The following ATP13A1 variants were observed in gnomAD, a reference collection of about 807,000 sequenced individuals.
ATP13A1 encodes the protein ATPase 13A1.
In ATP13A1, 55 loss-of-function variants were observed where a neutral mutation model predicts 134.8. That is an observed-to-expected ratio of 0.41 (90% CI 0.33 to 0.51). The LOEUF is 0.51. Among genes scored for constraint, ATP13A1 ranks in the 20% least tolerant of loss-of-function variants. The probability of loss-of-function intolerance (pLI) is 0.29; values close to 1 mark genes in which losing one functional copy is unlikely to be tolerated. For missense variants in ATP13A1, 1,389 were observed against 1,652.8 expected (o/e 0.84, Z 2.77); for synonymous variants, 775 against 725.1 (o/e 1.07, Z -1.10).
Position 19,655,395 on chromosome 19 carries a change from G to A in ATP13A1, c.1455C>T (p.Leu485=), listed in dbSNP as rs1398042450. ...YKLFLECTLI[L]TSVVPPELPI... is the part of the protein sequence containing the mutation. The stretch of plus-strand genomic sequence containing the variant: ...GCAGCTCAGGAGGCACGACCGAGGT[G>A]AGGATCAGGGTGCACTCCAGAAACA... The change falls in exon 11 of 26, where the codon CTC becomes CTT. Residue 485 remains leucine, a synonymous_variant. Transcript: ENST00000357324. This position sits in a 1 kb window ranked among gnomAD's most constrained non-coding sequence, Gnocchi z 5.7. 13 of 1,614,018 alleles carry A rather than the reference G, an allele frequency of 8.1e-6. No individual in the cohort carries two copies. The highest frequency in any genetic ancestry group is 1.7e-5 in the Admixed American group (1 of 60,018).
rs753894272 is a variant in ATP13A1 at position 19,655,236 on chromosome 19, A to G, written c.1538T>C (p.Met513Thr). 23 of 1,613,840 alleles carry G rather than the reference A, an allele frequency of 1.4e-5. No individual in the cohort carries two copies. The highest frequency in any genetic ancestry group is 1.7e-5 in the Admixed American group (1 of 59,982). ...GATCCGGAAGGGCTCTGTGCAGTAC[A>G]TGTCTAGGGGCGGGAGTGAGGTCAG... ...TSLIALAKLY[M>T]YCTEPFRIPF... Residue 513 changes from methionine (M) to threonine (T), a missense_variant, in exon 12 of 26, where the codon ATG becomes ACG. Physicochemically the swap from Met to Thr is moderately conservative, Grantham distance 81 (BLOSUM62 -1). Around this residue, in one of 4 missense-constraint regions of ATP13A1, gnomAD observed 747 missense variants for 956.1 expected, o/e 0.78. Coordinates refer to ENST00000357324, the MANE Select transcript of ATP13A1 (RefSeq NM_020410.3). This position sits in a 1 kb window ranked among gnomAD's most constrained non-coding sequence, Gnocchi z 5.7.
chr19:19,651,060 T>G (rs35445661), intron 17 of ATP13A1: 6,749 of 152,326 alleles, frequency 0.044, 269 homozygotes, highest in East Asian at 0.19. Flanking sequence ...AGCCATGGAT[T>G]GGAAGTGACC....
Position 19,654,155 on chromosome 19 carries a change from A to G in ATP13A1, c.1814-11T>C. The G allele has an allele frequency of 3.8e-6, 6 of 1,577,244 alleles. No homozygotes were observed. Among genetic ancestry groups the G allele is most frequent in the East Asian group, 2.3e-5 (1 of 43,392 alleles). On this transcript the variant is annotated splice_polypyrimidine_tract_variant and intron_variant, in intron 13 of 25. Coordinates refer to ENST00000357324, the MANE Select transcript of ATP13A1 (RefSeq NM_020410.3). ...GGAATACTTTCTCATCTGGAAACAAATAAGTACGAGTCCTGAGGGGCTTTG... is the reference window on the plus strand; with the variant it reads ...GGAATACTTTCTCATCTGGAAACAAGTAAGTACGAGTCCTGAGGGGCTTTG...
chr19:19,660,384 AG>A (rs2062086993), intron 1 of ATP13A1: 1 of 196,180 alleles, frequency 5.1e-6, no homozygotes, highest in African/African-American at 2.4e-5. Context: ...TAGGAGGCTG[AG>A]GCAGGAGAAT....
intron 3 of ATP13A1, among the ~76,000 whole-genome samples, chr19:19,657,921 GGA>G (rs1445926149): frequency 6.6e-6 from 1 of 152,090 alleles, no homozygotes; most frequent in Non-Finnish European, 1.5e-5. Flanking sequence ...GGCCGAGGCA[GGA>G]GGAGTGCTTG....
Position 19,653,542 on chromosome 19 carries a change from A to G in ATP13A1, c.2100+242T>C, listed in dbSNP as rs1408357340. ...CCAGGGCAAAAGAGTAGAGCTAGGG[A>G]CACACCAGGACTGGGGCAGGTAAGC... is the stretch of plus-strand genomic sequence containing the variant. On this transcript the variant is annotated intron_variant, in intron 15 of 25. Transcript: ENST00000357324. This position sits in a 1 kb window ranked among gnomAD's most constrained non-coding sequence, Gnocchi z 4.2. 3 of 568,150 alleles carry G rather than the reference A, an allele frequency of 5.3e-6. No individual in the cohort carries two copies. Among genetic ancestry groups the G allele is most frequent in the Non-Finnish European group, 9.3e-6 (3 of 321,684 alleles). 35.2% of individuals were successfully genotyped at this position (568,150 alleles called of 1,614,324 possible).
chr19:19,651,862 G>T, intron 16 of ATP13A1, 65 bp from the exon 17 acceptor site: 1 of 1,307,548 alleles, frequency 7.6e-7, no homozygotes, highest in East Asian at 2.4e-5. Flanking sequence ...CCAGAGACAA[G>T]GCTGCCAAGT....
rs1174526707 is a variant in ATP13A1, at chr19:19,647,580, C to G, written c.2793+19G>C. On this transcript the variant is annotated intron_variant, in intron 20 of 25. Coordinates refer to ENST00000357324, the MANE Select transcript of ATP13A1 (RefSeq NM_020410.3). The surrounding 1 kb of genome is among the most constrained non-coding windows in gnomAD (Gnocchi z 4.8). ...CCCTGGCCAGGATGGGGTGCAGCAC[C>G]TCCCCTCTTGGGACTCACCCTCTGG... 6.2e-7 allele frequency: 1 copy of G among 1,613,176 alleles called. No individual in the cohort carries two copies. Among genetic ancestry groups the G allele is most frequent in the East Asian group, 2.2e-5 (1 of 44,858 alleles).
chr19:19,663,169 T>G lies in ATP13A1; in HGVS notation c.396+102A>C, dbSNP rs761496579. On this transcript the variant is annotated intron_variant, in intron 1 of 25. Transcript: ENST00000357324. Reference sequence around the variant, plus strand: ...CCCCTGGGAATCCAGGCCAGGCAGATGAGTGGCCCAGGTCGCGATGGTGAC... The same window carrying G: ...CCCCTGGGAATCCAGGCCAGGCAGAGGAGTGGCCCAGGTCGCGATGGTGAC... 2.7e-6 allele frequency: 4 copies of G among 1,499,574 alleles called. No individual in the cohort carries two copies. In the African/African-American group the frequency reaches 5.6e-5, roughly 21 times the overall value. 92.9% of individuals were successfully genotyped at this position (1,499,574 alleles called of 1,614,324 possible).
intron 15 of ATP13A1, 172 bp from the exon 16 acceptor site, chr19:19,652,892 G>A (rs560484577): frequency 1.3e-5 from 12 of 921,716 alleles, no homozygotes; most frequent in South Asian, 3.6e-5. Context: ...TACCAGGCAC[G>A]CTTGAGGGGT....
At position 19,656,859 on chromosome 19, in the gene ATP13A1, T is replaced by C. The variant is rs201372793; in HGVS notation, c.964A>G (p.Ile322Val). ...IASDEIVPGDIVSIGRSPQEN... is the reference protein window; with the variant it reads ...IASDEIVPGDVVSIGRSPQEN... ...AACCCGGCCTCACCGATGGAGACGA[T>C]GTCCCCTGGTACGATCTCATCACTG... Residue 322 changes from isoleucine (I) to valine (V), a missense_variant, in exon 6 of 26, where the codon ATC becomes GTC. By Grantham distance (29) the Ile-to-Val change is conservative. Around this residue, in one of 4 missense-constraint regions of ATP13A1, gnomAD observed 747 missense variants for 956.1 expected, o/e 0.78. Coordinates refer to ENST00000357324, the MANE Select transcript of ATP13A1 (RefSeq NM_020410.3). The surrounding 1 kb of genome is among the most constrained non-coding windows in gnomAD (Gnocchi z 4.6). 7.8e-5 allele frequency: 125 copies of C among 1,612,650 alleles called. No individual in the cohort carries two copies. Among genetic ancestry groups the C allele is most frequent in the Middle Eastern group, 3.3e-4 (2 of 6,062 alleles).
intron 19 of ATP13A1, among the ~76,000 whole-genome samples, chr19:19,648,795 G>T (rs926019178): frequency 1.0e-5 from 1 of 96,428 alleles, no homozygotes; most frequent in African/African-American, 4.4e-5. Context: ...GGCAACAAGA[G>T]AGAAACTGTC....
intron 3 of ATP13A1, among the ~76,000 whole-genome samples, chr19:19,658,405 A>T (rs1029834760): frequency 6.6e-6 from 1 of 152,190 alleles, no homozygotes; most frequent in African/African-American, 2.4e-5. Flanking sequence ...TGCGTTGAGT[A>T]AGAACAGCAT....
Position 19,653,287 on chromosome 19 carries a change from A to G in ATP13A1, c.2100+497T>C. ...TCACTGGGAAGGGGGCTCCAGGTGCAGGAACGGGGCAGAGCATGCAGGCTG... is the reference window on the plus strand; with the variant it reads ...TCACTGGGAAGGGGGCTCCAGGTGCGGGAACGGGGCAGAGCATGCAGGCTG... On this transcript the variant is annotated intron_variant, in intron 15 of 25. Coordinates refer to ENST00000357324, the MANE Select transcript of ATP13A1 (RefSeq NM_020410.3). This position sits in a 1 kb window ranked among gnomAD's most constrained non-coding sequence, Gnocchi z 4.2. 5.5e-6 allele frequency: 1 copy of G among 180,706 alleles called. No individual in the cohort carries two copies. Among genetic ancestry groups the G allele is most frequent in the Non-Finnish European group, 1.2e-5 (1 of 84,770 alleles). The allele number at this position is 180,706 out of a possible 1,614,324, so 11.2% of individuals were successfully genotyped here.
chr19:19,654,470 G>C (rs2062044595), intron 13 of ATP13A1, 73 bp downstream of exon 13: 7 of 1,496,728 alleles, frequency 4.7e-6, no homozygotes, highest in Non-Finnish European at 6.2e-6. Context: ...GCTCTGAGGG[G>C]TGCAGCCCAC....
Position 19,655,650 on chromosome 19 carries a change from T to C in ATP13A1, c.1274A>G (p.Lys425Arg), listed in dbSNP as rs1416581925. The change falls in exon 10 of 26, where the codon AAG becomes AGG. Residue 425 changes from lysine (K) to arginine (R), a missense_variant. By Grantham distance (26) the Lys-to-Arg change is conservative. Around this residue, in one of 4 missense-constraint regions of ATP13A1, gnomAD observed 747 missense variants for 956.1 expected, o/e 0.78. Coordinates refer to ENST00000357324, the MANE Select transcript of ATP13A1 (RefSeq NM_020410.3). This position sits in a 1 kb window ranked among gnomAD's most constrained non-coding sequence, Gnocchi z 5.7. Reference protein sequence around the residue: ...LRTGFNTSQGKLLRTILFGVK... With the variant: ...LRTGFNTSQGRLLRTILFGVK... ...CCCGAAGAGGATGGTGCGCAGCAGC[T>C]TGCCCTGGAGGAATGGAGGAACAGC... 6.2e-7 allele frequency: 1 copy of C among 1,612,810 alleles called. No homozygotes were observed. The highest frequency in any genetic ancestry group is 8.5e-7 in the Non-Finnish European group (1 of 1,179,454).
chr19:19,651,086 A>G (rs1211126776), intron 17 of ATP13A1: 1 of 151,660 alleles, frequency 6.6e-6, no homozygotes, highest in African/African-American at 2.4e-5. Context: ...AAGTGGGTTC[A>G]CTTCTGAGCC....
chr19:19,647,579 C>A lies in ATP13A1; in HGVS notation c.2793+20G>T, dbSNP rs753274351. ...GCCCTGGCCAGGATGGGGTGCAGCA[C>A]CTCCCCTCTTGGGACTCACCCTCTG... is the stretch of plus-strand genomic sequence containing the variant. On this transcript the variant is annotated intron_variant, in intron 20 of 25. Coordinates refer to ENST00000357324, the MANE Select transcript of ATP13A1 (RefSeq NM_020410.3). The surrounding 1 kb of genome is among the most constrained non-coding windows in gnomAD (Gnocchi z 4.8). The A allele has an allele frequency of 2.4e-5, 38 of 1,613,138 alleles. No individual in the cohort carries two copies. The highest frequency in any genetic ancestry group is 3.2e-5 in the Non-Finnish European group (38 of 1,179,508).
intron 17 of ATP13A1, chr19:19,650,162 A>T (rs1341545335): frequency 1.7e-6 from 1 of 591,970 alleles, no homozygotes; most frequent in East Asian, 2.8e-5. Context: ...TACTTGCCTG[A>T]GAGCCCGGGA....
Sources: gnomAD v4.1 joint callset for allele counts (sites outside exome capture counted in the v4.1 genomes callset) on GRCh38, gnomAD v4.1.1 for gene constraint, gnomAD v4.1.1 regional missense constraint, Gnocchi (gnomAD v3.1) non-coding constraint, MANE v1.5 for transcripts, NCBI Gene and HGNC (gene_info 2026-07-23, HGNC 2026-07-21) for gene names.